The following PDE4B variants were observed in gnomAD, a reference collection of about 807,000 sequenced individuals.
PDE4B encodes the protein phosphodiesterase 4B.
In PDE4B, 20 loss-of-function variants were observed where a neutral mutation model predicts 82.2. The ratio of observed to expected loss-of-function variants is 0.24; its 90% CI spans 0.17 to 0.35. The LOEUF (loss-of-function observed/expected upper bound fraction) is 0.35. PDE4B is among the 10% of genes least tolerant of loss of function. The pLI, the probability that PDE4B is intolerant of heterozygous loss-of-function variation, is 1.00. For synonymous variants in PDE4B, 320 were observed against 318.9 expected (o/e 1.00, Z -0.04); for missense variants, 655 against 907.2 (o/e 0.72, Z 3.57).
rs577414622 is a variant in PDE4B, at chr1:65,976,033, C to T, written c.281+57198C>T. Among the ~76,000 whole-genome samples the T allele has an allele frequency of 9.9e-5, 15 of 152,274 alleles. No homozygotes were observed. In the South Asian group the frequency reaches 1.7e-3, roughly 17 times the overall value. ...GCTGTGAGAAGAGGACCACTGTCCT[C>T]CAGACCCCAGAATGGTAGATCCATC... is the stretch of plus-strand genomic sequence containing the variant. On this transcript the variant is annotated intron_variant, in intron 3 of 16. Transcript: ENST00000341517.
At chr1:65,799,415 T>C (rs1645669651) in intron 1 of PDE4B, among the ~76,000 whole-genome samples, 1 of 152,170 alleles carries the variant, frequency 6.6e-6, no homozygotes, top group Admixed American at 6.5e-5. Context: ...ACTACTTCAA[T>C]AAGTTGGGAG....
chr1:66,111,408 C>T (rs1645482249), intron 3 of PDE4B, among the ~76,000 whole-genome samples: 1 of 152,168 alleles, frequency 6.6e-6, no homozygotes, highest in South Asian at 2.1e-4. Context: ...ACCCATTAAA[C>T]AATAATTCCA....
intron 3 of PDE4B, among the ~76,000 whole-genome samples, chr1:66,123,344 T>A (rs979129573): frequency 4.6e-5 from 7 of 152,216 alleles, no homozygotes; most frequent in Non-Finnish European, 1.0e-4. Flanking sequence ...CCACAGTAGC[T>A]TTTATGTCTG....
intron 3 of PDE4B, among the ~76,000 whole-genome samples, chr1:66,018,979 T>C (rs910410576): frequency 6.6e-6 from 1 of 152,210 alleles, no homozygotes; most frequent in Admixed American, 6.5e-5. Flanking sequence ...TATATCTTAC[T>C]TTTTGCTGCT....
chr1:65,960,060 TA>T (rs1216357207), intron 3 of PDE4B, among the ~76,000 whole-genome samples: 1 of 152,156 alleles, frequency 6.6e-6, no homozygotes, highest in Non-Finnish European at 1.5e-5. Context: ...AAATGCTTTG[TA>T]AAGTCTACAT....
chr1:66,115,364 A>G (rs1384278269), intron 3 of PDE4B, among the ~76,000 whole-genome samples: 2 of 152,210 alleles, frequency 1.3e-5, no homozygotes, highest in Non-Finnish European at 2.9e-5. Context: ...AGATAGTTCT[A>G]ATGTGCAGCC....
In PDE4B at chr1:66,027,300, C is replaced by T. The variant is rs1653499062; in HGVS notation, c.281+108465C>T. 2.6e-5 allele frequency among the ~76,000 whole-genome samples: 4 copies of T among 152,238 alleles called. No individual in the cohort carries two copies. The South Asian group carries it at 8.3e-4, about 32-fold the overall frequency. ...AAGCAGAAACCCCCGATAAACCCAT[C>T]AGATTTTGTGAAACTTATTCCCTAT... On this transcript the variant is annotated intron_variant, in intron 3 of 16. Transcript: ENST00000341517.
intron 2 of PDE4B, among the ~76,000 whole-genome samples, chr1:65,915,658 T>C (rs545355448): frequency 6.6e-6 from 1 of 152,308 alleles, no homozygotes; most frequent in South Asian, 2.1e-4. Flanking sequence ...GGTTTCGATA[T>C]GGGGATATGA....
intron 3 of PDE4B, among the ~76,000 whole-genome samples, chr1:65,996,826 G>C (rs975923685): frequency 6.6e-6 from 1 of 152,150 alleles, no homozygotes; most frequent in Non-Finnish European, 1.5e-5. Context: ...CATGTAATAA[G>C]TTGCAAAGTG....
At chr1:65,985,126 C>A (rs1650890402) in intron 3 of PDE4B, among the ~76,000 whole-genome samples, 1 of 152,108 alleles carries the variant, frequency 6.6e-6, no homozygotes, top group South Asian at 2.1e-4. Flanking sequence ...TGATCTTGAT[C>A]TAACCTACCA....
intron 7 of PDE4B, among the ~76,000 whole-genome samples, chr1:66,268,931 G>C (rs557977399): frequency 6.6e-6 from 1 of 152,262 alleles, no homozygotes; most frequent in African/African-American, 2.4e-5. Flanking sequence ...AGCTCTTGAA[G>C]ACAGGGACTG....
At position 66,110,729 on chromosome 1, in the gene PDE4B, A is replaced by AAT. The variant is rs200688063; in HGVS notation, c.282-136723_282-136722dup. ...TATGGTTGTCAAGGAAATAAACGAGAATATATATAATGCGATTAAACCAAC... is the reference window on the plus strand; with the variant it reads ...TATGGTTGTCAAGGAAATAAACGAGAATATATATATAATGCGATTAAACCAAC... On this transcript the variant is annotated intron_variant, in intron 3 of 16. Transcript: ENST00000341517. 7.4e-3 allele frequency among the ~76,000 whole-genome samples: 1,126 copies of AAT among 152,112 alleles called. 9 individuals are homozygous for AAT. The highest frequency in any genetic ancestry group is 0.012 in the Non-Finnish European group (811 of 67,946).
chr1:65,940,196 G>A (rs1335132604), intron 3 of PDE4B, among the ~76,000 whole-genome samples: 3 of 152,024 alleles, frequency 2.0e-5, no homozygotes, highest in East Asian at 1.9e-4. Flanking sequence ...TAGGGGGCAG[G>A]GTAGGAACTT....
At chr1:66,319,507 T>C (rs1200795976) in intron 7 of PDE4B, among the ~76,000 whole-genome samples, 1 of 152,248 alleles carries the variant, frequency 6.6e-6, no homozygotes, top group Non-Finnish European at 1.5e-5. Context: ...TGCACTCTTA[T>C]AATTTTTATA....
chr1:66,311,272 A>G (rs1281271608), intron 7 of PDE4B, among the ~76,000 whole-genome samples: 1 of 152,236 alleles, frequency 6.6e-6, no homozygotes, highest in African/African-American at 2.4e-5. Context: ...TTTATCAGCG[A>G]AACAGGTTTG....
chr1:66,091,330 A>G (rs1402985563), intron 3 of PDE4B, among the ~76,000 whole-genome samples: 6 of 152,074 alleles, frequency 3.9e-5, no homozygotes, highest in Non-Finnish European at 7.4e-5. Context: ...CATAACTCTT[A>G]TGGGCAACTT....
At chr1:65,912,619 A>G (rs911117772) in intron 1 of PDE4B, among the ~76,000 whole-genome samples, 2 of 152,222 alleles carry the variant, frequency 1.3e-5, no homozygotes, top group African/African-American at 4.8e-5. Context: ...ACCGGTTGCT[A>G]GAATTTTCTG....
chr1:66,029,783 T>C (rs1430158476), intron 3 of PDE4B, among the ~76,000 whole-genome samples: 1 of 152,230 alleles, frequency 6.6e-6, no homozygotes, highest in African/African-American at 2.4e-5. Context: ...ATATTTTAAA[T>C]ACTGAATTTA....
intron 1 of PDE4B, 67 bp from the exon 2 acceptor site, chr1:65,913,178 A>G: frequency 1.6e-6 from 1 of 636,204 alleles, no homozygotes; most frequent in South Asian, 2.1e-5. Flanking sequence ...TAATTTAGAG[A>G]GTATGCCACA....
Sources: allele counts gnomAD v4.1 joint callset (sites outside exome capture counted in the v4.1 genomes callset), GRCh38; gene constraint gnomAD v4.1.1; transcripts MANE v1.5; gene names NCBI Gene and HGNC (gene_info 2026-07-23, HGNC 2026-07-21).